The following SHROOM3 variants were observed in gnomAD, a reference collection of about 807,000 sequenced individuals.
SHROOM3 encodes the protein shroom family member 3, also known as protein Shroom3.
In SHROOM3, 47 loss-of-function variants were observed where a neutral mutation model predicts 138.6. The observed-to-expected ratio is 0.34, with a 90% CI of 0.27 to 0.43. The LOEUF is 0.43. SHROOM3 is among the 20% of genes least tolerant of loss of function. SHROOM3 has a pLI of 1.00. For synonymous variants in SHROOM3, 1,062 were observed against 1,063.3 expected, an observed-to-expected ratio of 1.00 and a Z score of 0.02; for missense variants, 2,491 against 2,596.5, an observed-to-expected ratio of 0.96 and a Z score of 0.88.
chr4:76,672,715 G>A (rs1206778605), intron 2 of SHROOM3, among the ~76,000 whole-genome samples: 1 of 152,140 alleles, frequency 6.6e-6, no homozygotes, highest in Non-Finnish European at 1.5e-5. Context: ...TGGGACTACA[G>A]GCTCCCGCCA....
At chr4:76,525,985 G>A (rs1195674830) in intron 1 of SHROOM3, among the ~76,000 whole-genome samples, 1 of 151,244 alleles carries the variant, frequency 6.6e-6, no homozygotes, top group East Asian at 1.9e-4. Flanking sequence ...CTCATACTTT[G>A]CTATTGCACC....
At chr4:76,711,838 G>GA (rs34892154) in intron 3 of SHROOM3, among the ~76,000 whole-genome samples, 53,488 of 142,568 alleles carry the variant, frequency 0.38, 9,999 homozygotes, top group East Asian at 0.54. Flanking sequence ...GATTTCATTT[G>GA]AAAAAAAAAA....
intron 1 of SHROOM3, among the ~76,000 whole-genome samples, chr4:76,479,227 C>A (rs1041568285): frequency 6.6e-6 from 1 of 151,720 alleles, no homozygotes; most frequent in Admixed American, 6.6e-5. Context: ...GGCTAAGAAC[C>A]TTGAAAAAAG....
chr4:76,657,195 CTCTCTCTCTA>C (rs1465851229), intron 2 of SHROOM3, among the ~76,000 whole-genome samples: 15 of 148,766 alleles, frequency 1.0e-4, no homozygotes, highest in African/African-American at 3.5e-4. Flanking sequence ...CTCTCGCTCT[CTCTCTCTCTA>C]TATATATATA....
intron 2 of SHROOM3, among the ~76,000 whole-genome samples, chr4:76,648,117 C>T (rs1270721313): frequency 6.6e-6 from 1 of 151,980 alleles, no homozygotes; most frequent in Non-Finnish European, 1.5e-5. Context: ...CACTTGAGAC[C>T]AGGAGTTCAA....
At chr4:76,744,008 C>T (rs1410237105) in intron 5 of SHROOM3, among the ~76,000 whole-genome samples, 1 of 152,160 alleles carries the variant, frequency 6.6e-6, no homozygotes, top group African/African-American at 2.4e-5. Flanking sequence ...GTTTATTCCC[C>T]ATTAGATATT....
chr4:76,507,603 C>A (rs1294668130), intron 1 of SHROOM3, among the ~76,000 whole-genome samples: 2 of 146,898 alleles, frequency 1.4e-5, no homozygotes, highest in Admixed American at 1.4e-4. Flanking sequence ...GTGGCGTGAT[C>A]TCGGCTCACT....
intron 2 of SHROOM3, among the ~76,000 whole-genome samples, chr4:76,643,772 A>G (rs1445238394): frequency 6.6e-6 from 1 of 152,232 alleles, no homozygotes; most frequent in Non-Finnish European, 1.5e-5. Context: ...TACAGTGAAT[A>G]TCCCATGAAA....
At chr4:76,778,666 A>G in intron 10 of SHROOM3, 143 bp from the exon 11 acceptor site, 1 of 1,085,414 alleles carries the variant, frequency 9.2e-7, no homozygotes, top group Admixed American at 2.2e-5. Flanking sequence ...CTGATTTTCA[A>G]AAAGTTAGCC....
intron 2 of SHROOM3, among the ~76,000 whole-genome samples, chr4:76,571,163 G>T (rs1254815838): frequency 6.6e-6 from 1 of 152,138 alleles, no homozygotes; most frequent in Non-Finnish European, 1.5e-5. Context: ...CAGTAATAGG[G>T]ATTATTACTA....
At chr4:76,586,277 C>T in intron 2 of SHROOM3, 1 of 985,676 alleles carries the variant, frequency 1.0e-6, no homozygotes, top group Non-Finnish European at 1.2e-6. Flanking sequence ...TGTCAGACAC[C>T]TGTGTCTCAG....
chr4:76,515,606 C>T (rs1388729331), intron 1 of SHROOM3, among the ~76,000 whole-genome samples: 1 of 152,104 alleles, frequency 6.6e-6, no homozygotes, highest in Non-Finnish European at 1.5e-5. Flanking sequence ...CCTTAAACTC[C>T]TCAGTGGCTT....
At chr4:76,743,942 C>T (rs1721347868) in intron 5 of SHROOM3, among the ~76,000 whole-genome samples, 1 of 152,218 alleles carries the variant, frequency 6.6e-6, no homozygotes, top group South Asian at 2.1e-4. Context: ...ACCTTCCTTT[C>T]TCTCCCCGTG....
At chr4:76,660,919 C>T (rs1736170476) in intron 2 of SHROOM3, among the ~76,000 whole-genome samples, 1 of 152,104 alleles carries the variant, frequency 6.6e-6, no homozygotes, top group Admixed American at 6.5e-5. Context: ...CCCACCCTAG[C>T]TTCCTGAGTA....
intron 2 of SHROOM3, among the ~76,000 whole-genome samples, chr4:76,616,783 T>C (rs1734891492): frequency 6.6e-6 from 1 of 152,172 alleles, no homozygotes; most frequent in South Asian, 2.1e-4. Context: ...TGTTTGCACT[T>C]AACACTATGA....
chr4:76,660,828 A>G (rs1736168527), intron 2 of SHROOM3, among the ~76,000 whole-genome samples: 1 of 151,752 alleles, frequency 6.6e-6, no homozygotes, highest in Admixed American at 6.6e-5. Context: ...TTTGAGACAC[A>G]GTCTCACTCT....
intron 2 of SHROOM3, among the ~76,000 whole-genome samples, chr4:76,624,315 G>A (rs769780547): frequency 6.6e-6 from 1 of 152,098 alleles, no homozygotes; most frequent in Non-Finnish European, 1.5e-5. Flanking sequence ...TCTTCTGGAT[G>A]CTGTGTCTGC....
chr4:76,596,048 T>C (rs75064528), intron 2 of SHROOM3, among the ~76,000 whole-genome samples: 1 of 151,960 alleles, frequency 6.6e-6, no homozygotes, highest in Non-Finnish European at 1.5e-5. Flanking sequence ...AAGTGAGGTC[T>C]TTTTTTTCAC....
intron 2 of SHROOM3, among the ~76,000 whole-genome samples, chr4:76,632,092 A>G (rs1418673265): frequency 6.6e-6 from 1 of 152,176 alleles, no homozygotes; most frequent in Non-Finnish European, 1.5e-5. Context: ...TTTGTAGAGT[A>G]GAGGTTGAGG....
Sources: allele counts gnomAD v4.1 joint callset (sites outside exome capture counted in the v4.1 genomes callset), GRCh38; gene constraint gnomAD v4.1.1; transcripts MANE v1.5; gene names NCBI Gene and HGNC (gene_info 2026-07-23, HGNC 2026-07-21).